ATE1: variants seen among roughly 807,000 people sequenced by gnomAD.
ATE1 encodes the protein arginyl-tRNA--protein transferase 1.
ATE1 carries 36 observed loss-of-function variants against 70.5 expected under a neutral mutation model. The observed-to-expected ratio is 0.51, with a 90% CI of 0.39 to 0.67. ATE1 has a LOEUF of 0.67. Among genes scored for constraint, ATE1 ranks in the 30% least tolerant of loss-of-function variants. ATE1 has a pLI of 0.00. For missense variants in ATE1, 593 were observed against 629.5 expected (o/e 0.94, Z 0.62); for synonymous variants, 232 against 219.3 (o/e 1.06, Z -0.51).
intron 10 of ATE1, among the ~76,000 whole-genome samples, chr10:121,823,170 G>A (rs1194872809): frequency 6.6e-6 from 1 of 151,992 alleles, no homozygotes; most frequent in African/African-American, 2.4e-5. Context: ...GGCGCCTTTA[G>A]TCCCAGCTAC....
intron 11 of ATE1, among the ~76,000 whole-genome samples, chr10:121,747,732 G>A (rs1944426996): frequency 1.3e-5 from 2 of 152,164 alleles, no homozygotes; most frequent in African/African-American, 4.8e-5. Flanking sequence ...ATACACATAT[G>A]AATTTAAAAC....
At chr10:121,882,392 T>C (rs1036883432) in intron 7 of ATE1, among the ~76,000 whole-genome samples, 1 of 152,220 alleles carries the variant, frequency 6.6e-6, no homozygotes, top group Non-Finnish European at 1.5e-5. Flanking sequence ...CAGTTCCTAA[T>C]AACATCATCC....
chr10:121,926,197 G>A (rs896994524), intron 1 of ATE1, among the ~76,000 whole-genome samples: 3 of 152,088 alleles, frequency 2.0e-5, no homozygotes, highest in African/African-American at 7.2e-5. Flanking sequence ...CAACAAAAGT[G>A]AAACTGTGTC....
At position 121,745,961 on chromosome 10, in the gene ATE1, A is replaced by G. The variant is rs145702699; in HGVS notation, c.1379-2103T>C. Among the ~76,000 whole-genome samples the G allele has an allele frequency of 5.1e-4, 78 of 152,342 alleles. 1 individual carries two copies. The highest frequency in any genetic ancestry group is 1.9e-3 in the African/African-American group (77 of 41,584). ...TTAAGTGAAAGGCAAAAGTAGGCACAGTATAAACAATAGTTATTTTATTTA... is the reference window on the plus strand; with the variant it reads ...TTAAGTGAAAGGCAAAAGTAGGCACGGTATAAACAATAGTTATTTTATTTA... On this transcript the variant is annotated intron_variant, in intron 11 of 11. Coordinates refer to ENST00000224652, the MANE Select transcript of ATE1 (RefSeq NM_001001976.3).
At chr10:121,919,384 C>T (rs552366160) in intron 3 of ATE1, among the ~76,000 whole-genome samples, 1 of 152,006 alleles carries the variant, frequency 6.6e-6, no homozygotes, top group South Asian at 2.1e-4. Flanking sequence ...CATGGTGAAA[C>T]CCATCTCTAC....
Position 121,899,980 on chromosome 10 carries a change from T to A in ATE1, c.828A>T (p.Arg276Ser). The change falls in exon 7 of 12, where the codon AGA becomes AGT. Residue 276 changes from arginine (R) to serine (S), a missense_variant. By Grantham distance (110) the Arg-to-Ser change is moderately radical. Around this residue, in one of 3 missense-constraint regions of ATE1, gnomAD observed 467 missense variants for 469.6 expected, o/e 0.99. Transcript: ENST00000224652. ...ASHKLEVRVV[R>S]SSPPSSQFKA... ...TGAACTGCGAACTTGGTGGAGATGA[T>A]CTCACCACCCTCACCTTCAGAAGCA... 1 of 1,613,670 alleles carries A rather than the reference T, an allele frequency of 6.2e-7. No individual in the cohort carries two copies. Among genetic ancestry groups the A allele is most frequent in the East Asian group, 2.2e-5 (1 of 44,868 alleles).
chr10:121,833,255 A>G (rs1948313697), intron 10 of ATE1, among the ~76,000 whole-genome samples: 1 of 152,000 alleles, frequency 6.6e-6, no homozygotes, highest in African/African-American at 2.4e-5. Flanking sequence ...GTTATAACCT[A>G]TTTGTAAAGG....
intron 7 of ATE1, 101 bp downstream of exon 7, chr10:121,899,765 A>G (rs1950907747): frequency 4.1e-6 from 6 of 1,480,488 alleles, no homozygotes; most frequent in Admixed American, 4.5e-5. Flanking sequence ...CAAATTGAAC[A>G]CAAATAAAAT....
At chr10:121,759,164 C>A (rs1944929349) in intron 11 of ATE1, among the ~76,000 whole-genome samples, 1 of 152,140 alleles carries the variant, frequency 6.6e-6, no homozygotes, top group Non-Finnish European at 1.5e-5. Context: ...AAAAGTTCTT[C>A]ACAGAAATAA....
At chr10:121,752,390 C>G (rs934611457) in intron 11 of ATE1, among the ~76,000 whole-genome samples, 1 of 151,464 alleles carries the variant, frequency 6.6e-6, no homozygotes, top group Non-Finnish European at 1.5e-5. Context: ...GCCACCACGC[C>G]TGGCTAATTT....
intron 10 of ATE1, among the ~76,000 whole-genome samples, chr10:121,815,025 T>C (rs1346397003): frequency 6.6e-6 from 1 of 152,244 alleles, no homozygotes; most frequent in East Asian, 1.9e-4. Context: ...TATGATGCTG[T>C]CAAATCTTTT....
chr10:121,848,284 G>GTTCATTCA (rs59186969), intron 8 of ATE1, among the ~76,000 whole-genome samples: 1,843 of 150,166 alleles, frequency 0.012, 22 homozygotes, highest in East Asian at 0.053. Context: ...TCTAATGTGC[G>GTTCATTCA]TTCATTCATT....
chr10:121,834,450 A>G (rs1415745031), intron 10 of ATE1, among the ~76,000 whole-genome samples: 2 of 152,192 alleles, frequency 1.3e-5, no homozygotes, highest in South Asian at 2.1e-4. Context: ...CAAAAAATAA[A>G]TATTTTGAAG....
chr10:121,872,380 A>G (rs188969850), intron 7 of ATE1, among the ~76,000 whole-genome samples: 10 of 152,334 alleles, frequency 6.6e-5, no homozygotes, highest in African/African-American at 1.9e-4. Context: ...TACATTAAGT[A>G]AAAGTTTTCA....
chr10:121,830,835 G>C (rs958567508), intron 10 of ATE1, among the ~76,000 whole-genome samples: 3 of 152,104 alleles, frequency 2.0e-5, no homozygotes, highest in African/African-American at 7.2e-5. Context: ...GTTTACTTCA[G>C]ATTTTCGGAA....
chr10:121,910,172 C>G (rs1028067379), intron 5 of ATE1, among the ~76,000 whole-genome samples: 1 of 152,130 alleles, frequency 6.6e-6, no homozygotes. Flanking sequence ...AGAATTTTCT[C>G]TACTTTAACA....
At chr10:121,784,581 G>A (rs1230818720) in intron 11 of ATE1, among the ~76,000 whole-genome samples, 2 of 152,176 alleles carry the variant, frequency 1.3e-5, no homozygotes, top group African/African-American at 4.8e-5. Flanking sequence ...ATACAGGCCG[G>A]GTGCAGTGGC....
At chr10:121,789,439 C>T (rs1165132672) in intron 11 of ATE1, among the ~76,000 whole-genome samples, 1 of 151,558 alleles carries the variant, frequency 6.6e-6, no homozygotes, top group Non-Finnish European at 1.5e-5. Flanking sequence ...GCTGAGATAA[C>T]AGGCACCCAT....
intron 9 of ATE1, among the ~76,000 whole-genome samples, chr10:121,839,861 T>A (rs1270341700): frequency 6.6e-6 from 1 of 152,166 alleles, no homozygotes; most frequent in Non-Finnish European, 1.5e-5. Context: ...TAATGAAAAA[T>A]TTCAACTCTT....
Sources: allele counts gnomAD v4.1 joint callset (sites outside exome capture counted in the v4.1 genomes callset), GRCh38; gene constraint gnomAD v4.1.1; regional missense constraint gnomAD v4.1.1; transcripts MANE v1.5; gene names NCBI Gene and HGNC (gene_info 2026-07-23, HGNC 2026-07-21).